The following ULK4 variants were observed in gnomAD, a reference collection of about 807,000 sequenced individuals.
ULK4 encodes the protein inactive serine/threonine-protein kinase ULK4.
A neutral mutation model predicts 160.6 loss-of-function variants in ULK4; 133 were observed. The observed-to-expected ratio is 0.83, with a 90% CI of 0.72 to 0.96. The LOEUF (loss-of-function observed/expected upper bound fraction) is 0.96. Ranked by LOEUF, ULK4 falls within the 40% of genes least tolerant of loss-of-function variation. The pLI, the probability that ULK4 is intolerant of heterozygous loss-of-function variation, is 0.00. For synonymous variants in ULK4, 534 were observed against 539.8 expected, an observed-to-expected ratio of 0.99 and a Z score of 0.15; for missense variants, 1,580 against 1,499.5, an observed-to-expected ratio of 1.05 and a Z score of -0.89.
intron 19 of ULK4, among the ~76,000 whole-genome samples, chr3:41,810,692 T>C (rs767060629): frequency 6.6e-6 from 1 of 152,188 alleles, no homozygotes; most frequent in Non-Finnish European, 1.5e-5. Context: ...TGGTTATATG[T>C]AAGATAAATA....
intron 35 of ULK4, among the ~76,000 whole-genome samples, chr3:41,345,302 T>C (rs2080776673): frequency 6.6e-6 from 1 of 152,196 alleles, no homozygotes; most frequent in East Asian, 1.9e-4. Flanking sequence ...ATAAATCATT[T>C]TGTTATAAAG....
Position 41,506,765 on chromosome 3 carries a change from AAAATATAT to A in ULK4, c.3227-43520_3227-43513del, listed in dbSNP as rs1336206691. ...AAAGCAATACACTGGAGTGTGATTT[AAAATATAT>A]ATATATATATATATATATATATATA... On this transcript the variant is annotated intron_variant, in intron 32 of 36. Coordinates refer to ENST00000301831, the MANE Select transcript of ULK4 (RefSeq NM_017886.4). Among the ~76,000 whole-genome samples the A allele has an allele frequency of 9.6e-4, 10 of 10,462 alleles. 1 individual carries two copies. In the East Asian group the frequency reaches 0.021, roughly 22 times the overall value. 6.9% of individuals were successfully genotyped at this position (10,462 alleles called of 152,430 possible).
chr3:41,276,521 C>G (rs536300011), intron 35 of ULK4, among the ~76,000 whole-genome samples: 1 of 152,358 alleles, frequency 6.6e-6, no homozygotes, highest in South Asian at 2.1e-4. Flanking sequence ...AAGCTCAAGA[C>G]AGATTGACTG....
intron 32 of ULK4, among the ~76,000 whole-genome samples, chr3:41,529,981 A>G (rs951079136): frequency 6.6e-6 from 1 of 152,230 alleles, no homozygotes; most frequent in Admixed American, 6.5e-5. Context: ...GAGTGAATGA[A>G]GAGTGCCTGC....
At chr3:41,524,671 G>A (rs987304754) in intron 32 of ULK4, among the ~76,000 whole-genome samples, 1 of 152,106 alleles carries the variant, frequency 6.6e-6, no homozygotes, top group Non-Finnish European at 1.5e-5. Flanking sequence ...CGGGTGGAGT[G>A]GTTCATGCCT....
intron 32 of ULK4, among the ~76,000 whole-genome samples, chr3:41,540,502 G>C (rs1417017203): frequency 6.6e-6 from 1 of 152,150 alleles, no homozygotes; most frequent in East Asian, 1.9e-4. Context: ...AAACATACGT[G>C]TGCATGTGTC....
Position 41,796,460 on chromosome 3 carries a change from C to T in ULK4, c.2010+3672G>A, listed in dbSNP as rs1287984631. ...CAAAAAAATTAACCGGATGTGGTGGCATGCACCTGTAATCCCAGCTATTCG... is the reference window on the plus strand; with the variant it reads ...CAAAAAAATTAACCGGATGTGGTGGTATGCACCTGTAATCCCAGCTATTCG... On this transcript the variant is annotated intron_variant, in intron 20 of 36. Coordinates refer to ENST00000301831, the MANE Select transcript of ULK4 (RefSeq NM_017886.4). 2.0e-5 allele frequency among the ~76,000 whole-genome samples: 3 copies of T among 152,070 alleles called. No individual in the cohort carries two copies. The South Asian group carries it at 6.2e-4, about 32-fold the overall frequency.
At chr3:41,615,798 C>T in intron 30 of ULK4, 81 bp from the exon 31 acceptor site, 1 of 1,268,362 alleles carries the variant, frequency 7.9e-7, no homozygotes, top group South Asian at 1.4e-5. Context: ...AGCACCTCAG[C>T]CCCCATGTTT....
intron 31 of ULK4, among the ~76,000 whole-genome samples, chr3:41,607,360 A>C (rs1474143834): frequency 6.6e-6 from 1 of 152,164 alleles, no homozygotes; most frequent in African/African-American, 2.4e-5. Flanking sequence ...GTCCTTCCTA[A>C]GCATGCTAGG....
chr3:41,941,755 C>CAAAAAAAAAAA lies in ULK4; in HGVS notation c.139-3569_139-3559dup, dbSNP rs565727539. Among the ~76,000 whole-genome samples the CAAAAAAAAAAA allele has an allele frequency of 4.7e-3, 144 of 30,742 alleles. 17 individuals carry two copies. Among genetic ancestry groups the CAAAAAAAAAAA allele is most frequent in the South Asian group, 5.6e-3 (2 of 360 alleles). 20.2% of individuals were successfully genotyped at this position (30,742 alleles called of 152,430 possible). ...TGAGTGACAGAGTGAGACTCTGTCT[C>CAAAAAAAAAAA]AAAAAAAAAAAAAAAAAAAAAAAAG... On this transcript the variant is annotated intron_variant, in intron 2 of 36. Coordinates refer to ENST00000301831, the MANE Select transcript of ULK4 (RefSeq NM_017886.4).
chr3:41,309,393 G>A lies in ULK4; in HGVS notation c.3679-59819C>T, dbSNP rs146856453. 4.9e-3 allele frequency among the ~76,000 whole-genome samples: 739 copies of A among 152,200 alleles called. 8 individuals carry two copies. The highest frequency in any genetic ancestry group is 0.017 in the African/African-American group (695 of 41,506). ...CCAGGCTGGAGTGCAGCAGTTATTC[G>A]TAGGTGTGATCATTGCATACTACAA... On this transcript the variant is annotated intron_variant, in intron 35 of 36. Coordinates refer to ENST00000301831, the MANE Select transcript of ULK4 (RefSeq NM_017886.4).
At position 41,752,442 on chromosome 3, in the gene ULK4, TG is replaced by T. The variant is rs1158623536; in HGVS notation, c.2321+1918del. Reference sequence around the variant, plus strand: ...ACAACCAAAAAATAGCCAAAATACATGAAACATCACACTTCAAGACATTGGA... The same window carrying T: ...ACAACCAAAAAATAGCCAAAATACATAAACATCACACTTCAAGACATTGGA... On this transcript the variant is annotated intron_variant, in intron 22 of 36. Transcript: ENST00000301831. 1.2e-4 allele frequency among the ~76,000 whole-genome samples: 18 copies of T among 152,206 alleles called. No individual in the cohort carries two copies. In the East Asian group the frequency reaches 3.5e-3, roughly 29 times the overall value.
chr3:41,746,060 A>T (rs2038407988), intron 22 of ULK4, among the ~76,000 whole-genome samples: 1 of 150,962 alleles, frequency 6.6e-6, no homozygotes, highest in Admixed American at 6.6e-5. Flanking sequence ...ACCATACTTA[A>T]CAGTGGAGGC....
At chr3:41,363,701 T>G (rs954838501) in intron 35 of ULK4, among the ~76,000 whole-genome samples, 1 of 152,218 alleles carries the variant, frequency 6.6e-6, no homozygotes, top group African/African-American at 2.4e-5. Context: ...AGATGACAAC[T>G]GCCATTTCCA....
At chr3:41,750,291 C>A (rs1286495572) in intron 22 of ULK4, among the ~76,000 whole-genome samples, 12 of 152,128 alleles carry the variant, frequency 7.9e-5, no homozygotes, top group Non-Finnish European at 1.6e-4. Context: ...TTGCTTCTGC[C>A]CTTGTGGTTT....
At chr3:41,711,272 A>G (rs962537953) in intron 25 of ULK4, among the ~76,000 whole-genome samples, 2 of 152,216 alleles carry the variant, frequency 1.3e-5, no homozygotes, top group Non-Finnish European at 2.9e-5. Context: ...ATATCTTCTC[A>G]TGGTGCAAAC....
chr3:41,548,977 C>A (rs1314813100), intron 32 of ULK4, among the ~76,000 whole-genome samples: 1 of 152,164 alleles, frequency 6.6e-6, no homozygotes, highest in Non-Finnish European at 1.5e-5. Context: ...TACACTGCTG[C>A]ATGAACCCTG....
intron 30 of ULK4, among the ~76,000 whole-genome samples, chr3:41,623,003 C>G (rs1392570442): frequency 6.6e-6 from 1 of 152,062 alleles, no homozygotes; most frequent in Non-Finnish European, 1.5e-5. Context: ...AGGCAGTGGG[C>G]CATGTTTAGG....
chr3:41,859,781 C>T (rs2042454156), intron 17 of ULK4, among the ~76,000 whole-genome samples: 1 of 151,976 alleles, frequency 6.6e-6, no homozygotes. Flanking sequence ...CCTTGGCCTC[C>T]CCAGTAGCTA....
Sources: allele counts gnomAD v4.1 joint callset (sites outside exome capture counted in the v4.1 genomes callset), GRCh38; gene constraint gnomAD v4.1.1; transcripts MANE v1.5; gene names NCBI Gene and HGNC (gene_info 2026-07-23, HGNC 2026-07-21).